Variants in USP42 observed in about 807,000 individuals in gnomAD.
USP42 encodes the protein ubiquitin specific peptidase 42.
USP42 carries 23 observed loss-of-function variants against 113.0 expected under a neutral mutation model. The ratio of observed to expected loss-of-function variants is 0.20; its 90% CI spans 0.15 to 0.29. USP42 has a LOEUF of 0.29. Ranked by LOEUF, USP42 falls within the 10% of genes least tolerant of loss-of-function variation. USP42 has a pLI of 1.00. For missense variants in USP42, 2,174 were observed against 1,779.8 expected, an observed-to-expected ratio of 1.22 and a Z score of -3.99; for synonymous variants, 933 against 699.0, an observed-to-expected ratio of 1.33 and a Z score of -5.28.
At chr7:6,106,618 G>A (rs1779291699) in intron 1 of USP42, among the ~76,000 whole-genome samples, 1 of 152,176 alleles carries the variant, frequency 6.6e-6, no homozygotes, top group African/African-American at 2.4e-5. Flanking sequence ...AGGCTGGAGT[G>A]CAGTGGCGCA....
At chr7:6,093,687 T>C in the USP42 span, among the ~76,000 whole-genome samples, 1 of 143,062 alleles carries the variant, frequency 7.0e-6, no homozygotes, top group Non-Finnish European at 1.5e-5. Context: ...TTCCTCTCCC[T>C]CTTTCTCTCC....
chr7:6,116,903 A>G (rs771915578), intron 3 of USP42: 1 of 515,280 alleles, frequency 1.9e-6, no homozygotes, highest in Non-Finnish European at 3.9e-6. Context: ...AGAGAGGACC[A>G]AGACAAAATT....
rs746398286 is a variant in USP42, at chr7:6,154,126, G to C, written c.2572G>C (p.Ala858Pro). The C allele has an allele frequency of 6.3e-7, 1 of 1,599,736 alleles. No individual in the cohort carries two copies. Among genetic ancestry groups the C allele is most frequent in the Non-Finnish European group, 8.5e-7 (1 of 1,175,158 alleles). The change falls in exon 15 of 18, where the codon GCT becomes CCT. Residue 858 changes from alanine to proline, a missense_variant. Physicochemically the swap from Ala to Pro is conservative, Grantham distance 27 (BLOSUM62 -1). Transcript: ENST00000306177. ...LAEAPEGLSP[A>P]PPARSEEPCE... ...GGAAGCCCCGGAAGGGTTGAGTCCG[G>C]CTCCGCCTGCGCGGTCGGAGGAGCC...
chr7:6,140,916 A>G lies in USP42; in HGVS notation c.727A>G (p.Lys243Glu), dbSNP rs1262120582. The G allele has an allele frequency of 6.5e-7, 1 of 1,527,982 alleles. No individual in the cohort carries two copies. The allele number at this position is 1,527,982 out of a possible 1,614,324, so 94.7% of individuals were successfully genotyped here. A position where few individuals can be genotyped will look rare whatever the true frequency, so the allele number is the denominator to read the frequency against. The change falls in exon 7 of 18, where the codon AAA becomes GAA. Residue 243 changes from lysine to glutamate, a missense_variant and splice_region_variant. Lys to Glu is a moderately conservative substitution (Grantham distance 56). Transcript: ENST00000306177. ...IFGGYLRSRV[K>E]CLNCKGVSDT... is the part of the protein sequence containing the mutation. Reference sequence around the variant, plus strand: ...TTTGCATTTTATTTTTATTTCAGTCAAATGTTTAAATTGCAAGGGCGTTTC... The same window carrying G: ...TTTGCATTTTATTTTTATTTCAGTCGAATGTTTAAATTGCAAGGGCGTTTC...
At chr7:6,093,864 G>T in the USP42 span, among the ~76,000 whole-genome samples, 1 of 150,666 alleles carries the variant, frequency 6.6e-6, no homozygotes, top group Non-Finnish European at 1.5e-5. Flanking sequence ...TGCTCTCAGG[G>T]TTTCAGAAAA....
At chr7:6,119,808 A>G (rs535601029) in intron 3 of USP42, among the ~76,000 whole-genome samples, 2 of 151,976 alleles carry the variant, frequency 1.3e-5, no homozygotes, top group Non-Finnish European at 2.9e-5. Context: ...GGCTCAAGGG[A>G]TCCCCTTGCC....
intron 3 of USP42, among the ~76,000 whole-genome samples, chr7:6,124,278 CTTTTTTT>C (rs1475033470): frequency 6.6e-6 from 1 of 151,002 alleles, no homozygotes; most frequent in Admixed American, 6.6e-5. Flanking sequence ...TCCCTTTTTT[CTTTTTTT>C]GAGACGGATT....
the USP42 span, among the ~76,000 whole-genome samples, chr7:6,099,863 G>A: frequency 6.6e-6 from 1 of 150,450 alleles, no homozygotes; most frequent in African/African-American, 2.5e-5. Context: ...CCTGGGAGGC[G>A]GAGGCAGGAG....
intron 11 of USP42, among the ~76,000 whole-genome samples, 157 bp from the exon 12 acceptor site, chr7:6,147,582 A>AGG (rs1292613699): frequency 2.0e-5 from 3 of 152,254 alleles, no homozygotes; most frequent in African/African-American, 7.2e-5. Context: ...ATTAGCCTGA[A>AGG]GGAGGGGATG....
intron 3 of USP42, 47 bp from the exon 4 acceptor site, chr7:6,135,794 A>G (rs1178974414): frequency 1.7e-6 from 2 of 1,190,240 alleles, no homozygotes; most frequent in Non-Finnish European, 2.4e-6. Flanking sequence ...TGATGTGTGT[A>G]TATGGTTGTA....
chr7:6,126,028 A>G (rs1780523696), intron 3 of USP42, among the ~76,000 whole-genome samples: 1 of 152,178 alleles, frequency 6.6e-6, no homozygotes, highest in South Asian at 2.1e-4. Context: ...GAGCATTTCC[A>G]TCACCTACAG....
In USP42 at chr7:6,150,157, C is replaced by G. The variant is rs772927145; in HGVS notation, c.1961C>G (p.Pro654Arg). 4.3e-6 allele frequency: 7 copies of G among 1,613,740 alleles called. No homozygotes were observed. The highest frequency in any genetic ancestry group is 5.9e-6 in the Non-Finnish European group (7 of 1,179,824). The change falls in exon 13 of 18, where the codon CCC becomes CGC. Residue 654 changes from proline to arginine, a missense_variant. Pro to Arg is a moderately radical substitution (Grantham distance 103). Transcript: ENST00000306177. ...GCCACTCCGCACGAGCTTCAAGAAC[C>G]CATGACCCTAAACGGTGCTAATAGT... The part of the protein sequence containing the change: ...EEATPHELQE[P>R]MTLNGANSAD...
chr7:6,118,964 C>T (rs2094545052), intron 3 of USP42, among the ~76,000 whole-genome samples: 1 of 151,344 alleles, frequency 6.6e-6, no homozygotes, highest in South Asian at 2.1e-4. Context: ...TCTGTAATCT[C>T]AGTGTTTTGG....
the USP42 span, among the ~76,000 whole-genome samples, chr7:6,083,654 T>C: frequency 6.6e-6 from 1 of 150,620 alleles, no homozygotes; most frequent in African/African-American, 2.5e-5. Context: ...TATAAGTATA[T>C]AGTATATTGA....
intron 3 of USP42, among the ~76,000 whole-genome samples, chr7:6,129,990 C>T (rs1780760582): frequency 6.6e-6 from 1 of 151,588 alleles, no homozygotes; most frequent in South Asian, 2.1e-4. Context: ...GATTTTAAAA[C>T]AATTTTGTTT....
At chr7:6,098,693 C>T in the USP42 span, among the ~76,000 whole-genome samples, 1 of 149,944 alleles carries the variant, frequency 6.7e-6, no homozygotes, top group Non-Finnish European at 1.5e-5. Flanking sequence ...CTGGGATGTG[C>T]ACCACCACAC....
rs1562805030 is a variant in USP42, at chr7:6,114,654, G to GTATATATATA, written c.242-668_242-667insATATATATAT. 4.0e-3 allele frequency among the ~76,000 whole-genome samples: 279 copies of GTATATATATA among 69,252 alleles called. 4 individuals are homozygous for GTATATATATA. The highest frequency in any genetic ancestry group is 0.028 in the East Asian group (39 of 1,400). The allele number at this position is 69,252 out of a possible 152,430, so 45.4% of individuals were successfully genotyped here. The stretch of plus-strand genomic sequence containing the variant: ...TGTGTGTGTATATATGTATGTGTGT[G>GTATATATATA]TGTATATATATATATATATATATAT... On this transcript the variant is annotated intron_variant, in intron 2 of 17. Transcript: ENST00000306177.
At chr7:6,117,999 T>G (rs886886699) in intron 3 of USP42, among the ~76,000 whole-genome samples, 1 of 152,166 alleles carries the variant, frequency 6.6e-6, no homozygotes, top group African/African-American at 2.4e-5. Flanking sequence ...TAGGCTGGGA[T>G]TTGTCTTTTG....
In USP42 at chr7:6,157,264, G is replaced by T; in HGVS notation, c.3943+209G>T. On this transcript the variant is annotated intron_variant, in intron 16 of 17. Coordinates refer to ENST00000306177, the MANE Select transcript of USP42 (RefSeq NM_032172.3). The surrounding 1 kb of genome is among the most constrained non-coding windows in gnomAD (Gnocchi z 4.1). ...GTTAAGCCCTTAGCGTTTATTGAAGGCCTAAGTGACACAGGACTGAGGGCA... is the reference window on the plus strand; with the variant it reads ...GTTAAGCCCTTAGCGTTTATTGAAGTCCTAAGTGACACAGGACTGAGGGCA... 7.6e-7 allele frequency: 1 copy of T among 1,323,252 alleles called. No homozygotes were observed. Among genetic ancestry groups the T allele is most frequent in the Non-Finnish European group, 9.6e-7 (1 of 1,040,106 alleles). The allele number at this position is 1,323,252 out of a possible 1,614,324, so 82.0% of individuals were successfully genotyped here.
Sources: allele counts gnomAD v4.1 joint callset (sites outside exome capture counted in the v4.1 genomes callset), GRCh38; gene constraint gnomAD v4.1.1; non-coding constraint Gnocchi (gnomAD v3.1); transcripts MANE v1.5; gene names NCBI Gene and HGNC (gene_info 2026-07-23, HGNC 2026-07-21).